Variants in COL21A1 observed in about 807,000 individuals in gnomAD.
COL21A1 encodes collagen alpha-1(XXI) chain.
In COL21A1, 149 loss-of-function variants were observed where a neutral mutation model predicts 137.9. The ratio of observed to expected loss-of-function variants is 1.08; its 90% CI spans 0.95 to 1.24. COL21A1 has a LOEUF of 1.24. Ranked by LOEUF, COL21A1 falls within the 50% of genes most tolerant of loss-of-function variation. COL21A1 has a pLI of 0.00. For missense variants in COL21A1, 1,167 were observed against 1,158.4 expected (o/e 1.01, Z -0.11); for synonymous variants, 456 against 391.5 (o/e 1.16, Z -1.95).
chr6:56,349,257 G>A (rs547657769), intron 1 of COL21A1, among the ~76,000 whole-genome samples: 52 of 152,008 alleles, frequency 3.4e-4, no homozygotes, highest in African/African-American at 1.2e-3. Flanking sequence ...GAAGTAAAAC[G>A]GATTGAGGTA....
At chr6:56,344,014 C>G (rs1562065281) in intron 1 of COL21A1, among the ~76,000 whole-genome samples, 1 of 152,084 alleles carries the variant, frequency 6.6e-6, no homozygotes. Flanking sequence ...ACTATTTTGG[C>G]CAGTTTTCAT....
intron 1 of COL21A1, among the ~76,000 whole-genome samples, chr6:56,197,646 A>C (rs1345766021): frequency 1.3e-5 from 2 of 152,116 alleles, no homozygotes; most frequent in African/African-American, 2.4e-5. Context: ...AATGCAAATC[A>C]AAGTAGCACC....
intron 17 of COL21A1, among the ~76,000 whole-genome samples, chr6:56,088,994 C>G (rs1430814545): frequency 6.6e-6 from 1 of 152,220 alleles, no homozygotes; most frequent in East Asian, 1.9e-4. Context: ...CGATGCTACC[C>G]AGGCTAGTCT....
At chr6:56,184,589 CA>C (rs1392082067) in intron 1 of COL21A1, among the ~76,000 whole-genome samples, 1 of 152,098 alleles carries the variant, frequency 6.6e-6, no homozygotes, top group Non-Finnish European at 1.5e-5. Context: ...TTAATATTTA[CA>C]AAACACTCCA....
intron 1 of COL21A1, among the ~76,000 whole-genome samples, chr6:56,313,399 C>A (rs1764657481): frequency 6.6e-6 from 1 of 152,010 alleles, no homozygotes; most frequent in African/African-American, 2.4e-5. Context: ...AGGATGCATG[C>A]CAAAACAGTA....
At chr6:56,356,884 A>G (rs955006109) in intron 1 of COL21A1, among the ~76,000 whole-genome samples, 2 of 152,228 alleles carry the variant, frequency 1.3e-5, no homozygotes, top group African/African-American at 4.8e-5. Context: ...AAAAAATGTT[A>G]TGAAATGCAT....
intron 1 of COL21A1, among the ~76,000 whole-genome samples, chr6:56,271,536 A>T (rs1763525703): frequency 6.6e-6 from 1 of 152,366 alleles, no homozygotes; most frequent in Admixed American, 6.5e-5. Flanking sequence ...TGTGGTAGAA[A>T]ATAAAAACCC....
At chr6:56,112,850 A>C (rs1771573648) in intron 16 of COL21A1, among the ~76,000 whole-genome samples, 1 of 151,306 alleles carries the variant, frequency 6.6e-6, no homozygotes, top group Admixed American at 6.6e-5. Flanking sequence ...ATGCCCCGCT[A>C]ATTTTGTATT....
At chr6:56,062,831 A>ATT (rs1201522861) in intron 24 of COL21A1, among the ~76,000 whole-genome samples, 37 of 152,188 alleles carry the variant, frequency 2.4e-4, no homozygotes, top group Non-Finnish European at 3.8e-4. Flanking sequence ...TAGGACCAAC[A>ATT]TAAGAGAGAC....
At chr6:56,239,348 A>G (rs188616538) in intron 1 of COL21A1, among the ~76,000 whole-genome samples, 16 of 152,270 alleles carry the variant, frequency 1.1e-4, no homozygotes, top group Admixed American at 1.0e-3. Flanking sequence ...TCCATATACA[A>G]AGCATGTATC....
chr6:56,282,333 G>A (rs1271322291), intron 1 of COL21A1, among the ~76,000 whole-genome samples: 1 of 151,006 alleles, frequency 6.6e-6, no homozygotes, highest in African/African-American at 2.4e-5. Flanking sequence ...ATTTCTTCTT[G>A]TACATTAAGA....
chr6:56,176,744 T>C (rs1444996444), intron 3 of COL21A1, among the ~76,000 whole-genome samples: 1 of 151,138 alleles, frequency 6.6e-6, no homozygotes, highest in East Asian at 2.0e-4. Context: ...CTGTACAACA[T>C]TGTGCTTATG....
At position 56,157,698 on chromosome 6, in the gene COL21A1, C is replaced by A. The variant is rs181558530; in HGVS notation, c.1372-749G>T. On this transcript the variant is annotated intron_variant, in intron 9 of 29. Coordinates refer to ENST00000244728, the MANE Select transcript of COL21A1 (RefSeq NM_030820.4). ...TTTATTTTAAAAATAGTCTGTAGACCATGTGATCTCTCATGTAGAATTCAA... is the reference window on the plus strand; with the variant it reads ...TTTATTTTAAAAATAGTCTGTAGACAATGTGATCTCTCATGTAGAATTCAA... Among the ~76,000 whole-genome samples, 31 of 152,178 alleles carry A rather than the reference C, an allele frequency of 2.0e-4. No individual in the cohort carries two copies. In the South Asian group the frequency reaches 2.1e-3, roughly 10 times the overall value.
In COL21A1 at chr6:56,351,667, C is replaced by T. The variant is rs111790152; in HGVS notation, c.-39+42304G>A. On this transcript the variant is annotated intron_variant, in intron 1 of 28. Transcript: ENST00000370819. ...ACTGAACTGTGCAACATATTCCATG[C>T]TCACATCCCAAACTAATCCTGGGTG... Among the ~76,000 whole-genome samples, 272 of 152,338 alleles carry T rather than the reference C, an allele frequency of 1.8e-3. 1 individual carries two copies. Among genetic ancestry groups the T allele is most frequent in the African/African-American group, 6.4e-3 (265 of 41,572 alleles).
At chr6:56,255,919 A>G (rs1782959169) in intron 1 of COL21A1, among the ~76,000 whole-genome samples, 1 of 152,196 alleles carries the variant, frequency 6.6e-6, no homozygotes. Context: ...TCTGAACCTG[A>G]ACCACAACAA....
intron 1 of COL21A1, among the ~76,000 whole-genome samples, chr6:56,324,457 C>T (rs7775020): frequency 0.99 from 150,039 of 152,200 alleles, 73,987 homozygotes; most frequent in Middle Eastern, 1. Flanking sequence ...TGCCTTGAAT[C>T]GTCAGCAGGA....
At chr6:56,362,204 A>G (rs1056963545) in intron 1 of COL21A1, among the ~76,000 whole-genome samples, 2 of 152,222 alleles carry the variant, frequency 1.3e-5, no homozygotes, top group Non-Finnish European at 2.9e-5. Flanking sequence ...GAAAAAAATT[A>G]TATAAAGTAT....
intron 2 of COL21A1, among the ~76,000 whole-genome samples, chr6:56,182,227 G>C (rs1310332929): frequency 2.6e-5 from 4 of 152,194 alleles, no homozygotes; most frequent in South Asian, 2.1e-4. Flanking sequence ...AATCTAGAAG[G>C]CTTTCTTTAT....
intron 1 of COL21A1, among the ~76,000 whole-genome samples, chr6:56,195,331 CT>C (rs1011950212): frequency 2.0e-5 from 3 of 152,060 alleles, no homozygotes; most frequent in African/African-American, 4.8e-5. Context: ...TTTGGTTGTT[CT>C]TTTCCCAAAA....
Sources: gnomAD v4.1 joint callset for allele counts (sites outside exome capture counted in the v4.1 genomes callset) on GRCh38, gnomAD v4.1.1 for gene constraint, MANE v1.5 for transcripts, NCBI Gene and HGNC (gene_info 2026-07-23, HGNC 2026-07-21) for gene names.